TFB1M: variants seen among roughly 807,000 people sequenced by gnomAD.
The protein encoded by TFB1M is dimethyladenosine transferase 1, mitochondrial.
Under a neutral mutation model 31.1 loss-of-function variants are expected in TFB1M, and 27 were observed. That is an observed-to-expected ratio of 0.87 (90% CI 0.64 to 1.20). The LOEUF (loss-of-function observed/expected upper bound fraction) is 1.20, where lower values mean the gene tolerates loss of function less well. Among genes scored for constraint, TFB1M ranks in the 50% most tolerant of loss-of-function variants. The pLI, the probability that TFB1M is intolerant of heterozygous loss-of-function variation, is 0.00. For synonymous variants in TFB1M, 166 were observed against 151.8 expected (o/e 1.09, Z -0.69); for missense variants, 394 against 418.7 (o/e 0.94, Z 0.51).
At chr6:155,248,349 G>C in the TFB1M span, among the ~76,000 whole-genome samples, 1 of 152,250 alleles carries the variant, frequency 6.6e-6, no homozygotes, top group South Asian at 2.1e-4. Flanking sequence ...TGTGAAACTA[G>C]CTAGGCGTCT....
At position 155,305,482 on chromosome 6, in the gene TFB1M, TATATATATAA is replaced by T. The variant is rs1206729928; in HGVS notation, c.285+5696_285+5705del. Among the ~76,000 whole-genome samples, 5 of 35,010 alleles carry T rather than the reference TATATATATAA, an allele frequency of 1.4e-4. 1 individual carries two copies. The allele number at this position is 35,010 out of a possible 152,430, so 23.0% of individuals were successfully genotyped here. A position where few individuals can be genotyped will look rare whatever the true frequency, so the allele number is the denominator to read the frequency against. ...TTATATATATAAATATATATTAAAT[TATATATATAA>T]ATATATATTAAATTATATATTTATA... On this transcript the variant is annotated intron_variant, in intron 2 of 6. Transcript: ENST00000367166.
chr6:155,237,867 G>T, the TFB1M span, among the ~76,000 whole-genome samples: 1 of 152,226 alleles, frequency 6.6e-6, no homozygotes. Flanking sequence ...TGATGGGAAG[G>T]GCTGCCAAGA....
the TFB1M span, among the ~76,000 whole-genome samples, chr6:155,235,110 A>C: frequency 6.6e-6 from 1 of 152,150 alleles, no homozygotes; most frequent in African/African-American, 2.4e-5. Context: ...GGTCTCGCTG[A>C]AGCCTCCTTG....
chr6:155,240,760 G>A, the TFB1M span: 2 of 1,558,802 alleles, frequency 1.3e-6, no homozygotes, highest in South Asian at 2.4e-5. Flanking sequence ...ATGATGGCAA[G>A]TGGTATGCTG....
intron 1 of TFB1M, among the ~76,000 whole-genome samples, chr6:155,312,200 C>T (rs116678489): frequency 3.2e-3 from 491 of 152,262 alleles, no homozygotes; most frequent in African/African-American, 0.011. Flanking sequence ...CCTATTTTTG[C>T]TTGTTTTCAA....
intron 5 of TFB1M, among the ~76,000 whole-genome samples, chr6:155,281,344 T>C (rs1728394088): frequency 6.6e-6 from 1 of 152,200 alleles, no homozygotes; most frequent in Non-Finnish European, 1.5e-5. Context: ...GTCTACTGCC[T>C]CTACCAGTGT....
intron 4 of TFB1M, among the ~76,000 whole-genome samples, chr6:155,293,706 T>C (rs1777034227): frequency 1.3e-5 from 2 of 152,230 alleles, no homozygotes; most frequent in African/African-American, 4.8e-5. Flanking sequence ...TTTTTATATA[T>C]GTCTCTCATT....
chr6:155,276,077 G>C lies in TFB1M; in HGVS notation c.666+9081C>G, dbSNP rs563075886. ...AGAAACCAAGAGCCATGCTTCCTTTGCTGGAGGAGTCTGTTTCATGTCTGC... is the reference window on the plus strand; with the variant it reads ...AGAAACCAAGAGCCATGCTTCCTTTCCTGGAGGAGTCTGTTTCATGTCTGC... On this transcript the variant is annotated intron_variant, in intron 5 of 6. Transcript: ENST00000367166. 32 of 1,614,154 alleles carry C rather than the reference G, an allele frequency of 2.0e-5. No individual in the cohort carries two copies. In the South Asian group the frequency reaches 3.3e-4, roughly 17 times the overall value.
At chr6:155,247,874 G>A in the TFB1M span, 1 of 1,248,226 alleles carries the variant, frequency 8.0e-7, no homozygotes, top group African/African-American at 1.5e-5. Context: ...ATGTGTTGGG[G>A]TTTTCATTAA....
intron 5 of TFB1M, among the ~76,000 whole-genome samples, chr6:155,272,705 A>G (rs780759880): frequency 1.3e-5 from 2 of 152,270 alleles, no homozygotes; most frequent in African/African-American, 2.4e-5. Context: ...TTCTTTCTAC[A>G]TAAGTTCTCT....
At chr6:155,260,791 C>T in intron 5 of TFB1M, 1 of 336,162 alleles carries the variant, frequency 3.0e-6, no homozygotes, top group Non-Finnish European at 5.8e-6. Context: ...CTTCAAGACA[C>T]AGAGAGATGG....
intron 5 of TFB1M, among the ~76,000 whole-genome samples, chr6:155,262,102 A>G (rs778501088): frequency 3.3e-5 from 5 of 152,218 alleles, no homozygotes; most frequent in Non-Finnish European, 7.3e-5. Flanking sequence ...GTCTGTGGTC[A>G]TCAGGGAAAG....
At position 155,257,564 on chromosome 6, in the gene TFB1M, A is replaced by C. The variant is rs529764198; in HGVS notation, c.*272T>G. 4.6e-5 allele frequency: 17 copies of C among 373,192 alleles called. No homozygotes were observed. The Admixed American group carries it at 5.9e-4, about 13-fold the overall frequency. The allele number at this position is 373,192 out of a possible 1,614,324, so 23.1% of individuals were successfully genotyped here. A position where few individuals can be genotyped will look rare whatever the true frequency, so the allele number is the denominator to read the frequency against. Reference sequence around the variant, plus strand: ...TGTGGTTTAGGGGCAAAATGTGCAGATACTTCATTTTTGTAAGATAGATTG... The same window carrying C: ...TGTGGTTTAGGGGCAAAATGTGCAGCTACTTCATTTTTGTAAGATAGATTG... On this transcript the variant is annotated 3_prime_UTR_variant, in exon 7 of 7. Coordinates refer to ENST00000367166, the MANE Select transcript of TFB1M (RefSeq NM_016020.4).
chr6:155,256,420 G>GCAAA lies in TFB1M; in HGVS notation c.*1412_*1415dup. On this transcript the variant is annotated 3_prime_UTR_variant, in exon 7 of 7. Coordinates refer to ENST00000367166, the MANE Select transcript of TFB1M (RefSeq NM_016020.4). ...TGTTAAATCTTACACAAGCTTTGAG[G>GCAAA]CAAACATTACACATTGTGTAACCTG... The GCAAA allele has an allele frequency of 6.2e-7, 1 of 1,603,156 alleles. No homozygotes were observed. Among genetic ancestry groups the GCAAA allele is most frequent in the Non-Finnish European group, 8.5e-7 (1 of 1,175,062 alleles).
At chr6:155,239,952 C>G in the TFB1M span, among the ~76,000 whole-genome samples, 2 of 152,212 alleles carry the variant, frequency 1.3e-5, no homozygotes, top group African/African-American at 4.8e-5. Context: ...TGCACCAGCT[C>G]AAGAGTTTCT....
chr6:155,304,410 C>G (rs762158823), intron 2 of TFB1M, among the ~76,000 whole-genome samples: 2 of 152,114 alleles, frequency 1.3e-5, no homozygotes, highest in Admixed American at 1.3e-4. Context: ...CTTCCTACTC[C>G]GACAAAGATG....
At chr6:155,266,682 TA>T (rs1258472165) in intron 5 of TFB1M, among the ~76,000 whole-genome samples, 1 of 151,476 alleles carries the variant, frequency 6.6e-6, no homozygotes, top group African/African-American at 2.4e-5. Context: ...CCGTCTCTAC[TA>T]AAAAATACAA....
At chr6:155,240,479 A>C in the TFB1M span, 40 of 1,538,682 alleles carry the variant, frequency 2.6e-5, no homozygotes, top group Non-Finnish European at 3.4e-5. Flanking sequence ...GGCAGCGGAT[A>C]CTATCAGGGA....
chr6:155,265,263 C>G (rs767040765), intron 5 of TFB1M, among the ~76,000 whole-genome samples: 1 of 152,232 alleles, frequency 6.6e-6, no homozygotes, highest in East Asian at 1.9e-4. Flanking sequence ...TCCTGAGCAA[C>G]TCCCGTCCCT....
Sources: allele counts gnomAD v4.1 joint callset (sites outside exome capture counted in the v4.1 genomes callset), GRCh38; gene constraint gnomAD v4.1.1; transcripts MANE v1.5; gene names NCBI Gene and HGNC (gene_info 2026-07-23, HGNC 2026-07-21).